The following HCRTR2 variants were observed in gnomAD, a reference collection of about 807,000 sequenced individuals.
HCRTR2 encodes orexin receptor type 2.
A neutral mutation model predicts 49.0 loss-of-function variants in HCRTR2; 22 were observed. That is an observed-to-expected ratio of 0.45 (90% confidence interval 0.32 to 0.64). HCRTR2 has a LOEUF of 0.64. Among genes scored for constraint, HCRTR2 ranks in the 30% least tolerant of loss-of-function variants. HCRTR2 has a pLI of 0.04. For synonymous variants in HCRTR2, 236 were observed against 205.3 expected (o/e 1.15, Z -1.28); for missense variants, 491 against 559.4 (o/e 0.88, Z 1.23).
chr6:55,185,785 C>T (rs940103282), intron 1 of HCRTR2, among the ~76,000 whole-genome samples: 10 of 152,264 alleles, frequency 6.6e-5, no homozygotes, highest in East Asian at 1.9e-4. Flanking sequence ...AACAAGAAGG[C>T]GCATCCTTTG....
At chr6:55,183,973 G>T (rs1561998765) in intron 1 of HCRTR2, among the ~76,000 whole-genome samples, 1 of 151,924 alleles carries the variant, frequency 6.6e-6, no homozygotes, top group Non-Finnish European at 1.5e-5. Flanking sequence ...TGTTGCCCAG[G>T]CTGGAGTGCA....
chr6:55,142,721 G>C (rs1035762372), intron 1 of HCRTR2, among the ~76,000 whole-genome samples: 1 of 151,526 alleles, frequency 6.6e-6, no homozygotes, highest in Admixed American at 6.6e-5. Flanking sequence ...AGGTAGCACA[G>C]ATAAAATGCA....
At chr6:55,183,432 T>C (rs1270444846) in intron 1 of HCRTR2, among the ~76,000 whole-genome samples, 2 of 152,182 alleles carry the variant, frequency 1.3e-5, no homozygotes, top group African/African-American at 4.8e-5. Flanking sequence ...CCAATGTAAG[T>C]GCAGATGAGG....
At position 55,187,899 on chromosome 6, in the gene HCRTR2, C is replaced by T. The variant is rs573823287; in HGVS notation, c.223+13089C>T. ...TCACACCATTCTCCAGCCTCAGCCT[C>T]CCGAGTAGCTGGGACTACAGGCGCA... On this transcript the variant is annotated intron_variant, in intron 1 of 6. Coordinates refer to ENST00000370862, the MANE Select transcript of HCRTR2 (RefSeq NM_001384272.1). Among the ~76,000 whole-genome samples, 11 of 152,186 alleles carry T rather than the reference C, an allele frequency of 7.2e-5. No individual in the cohort carries two copies. In the South Asian group the frequency reaches 2.1e-3, roughly 29 times the overall value.
chr6:55,194,502 T>C (rs1765375809), intron 1 of HCRTR2, among the ~76,000 whole-genome samples: 1 of 152,110 alleles, frequency 6.6e-6, no homozygotes, highest in Non-Finnish European at 1.5e-5. Flanking sequence ...TAATTAAATA[T>C]GGATATTTGT....
intron 1 of HCRTR2, among the ~76,000 whole-genome samples, chr6:55,233,379 C>G (rs1766153699): frequency 6.6e-6 from 1 of 152,108 alleles, no homozygotes. Context: ...GCATGAGCCA[C>G]CACGCATGGC....
intron 2 of HCRTR2, among the ~76,000 whole-genome samples, chr6:55,250,025 T>G (rs550056067): frequency 6.6e-6 from 1 of 152,216 alleles, no homozygotes; most frequent in Non-Finnish European, 1.5e-5. Context: ...TGGAATGAAA[T>G]GTTGCAAAGA....
At chr6:55,266,498 G>A (rs570117285) in intron 4 of HCRTR2, among the ~76,000 whole-genome samples, 18 of 152,228 alleles carry the variant, frequency 1.2e-4, no homozygotes, top group African/African-American at 4.3e-4. Context: ...TCTTGAAGGG[G>A]AAAAAGCAAT....
intron 1 of HCRTR2, among the ~76,000 whole-genome samples, chr6:55,181,494 C>A (rs1032397678): frequency 1.3e-5 from 2 of 152,100 alleles, no homozygotes; most frequent in Admixed American, 6.6e-5. Context: ...ATTATTGGGT[C>A]TTTACAAGTA....
At chr6:55,231,270 G>GA (rs1166049019) in intron 1 of HCRTR2, among the ~76,000 whole-genome samples, 1 of 152,046 alleles carries the variant, frequency 6.6e-6, no homozygotes, top group Non-Finnish European at 1.5e-5. Flanking sequence ...TGTTTGACCA[G>GA]AAAAAATTTC....
rs149444403 is a variant in HCRTR2 at position 55,181,834 on chromosome 6, A to G, written c.223+7024A>G. ...TGTCTTTGATATGTGATTGTGTCAA[A>G]ACTATGAGGAAAAACTCACATTAAC... On this transcript the variant is annotated intron_variant, in intron 1 of 6. Transcript: ENST00000370862. 1.7e-3 allele frequency among the ~76,000 whole-genome samples: 255 copies of G among 152,354 alleles called. 1 individual carries two copies. Among genetic ancestry groups the G allele is most frequent in the Admixed American group, 3.0e-3 (46 of 15,302 alleles).
chr6:55,245,582 A>G (rs1766427972), intron 1 of HCRTR2, among the ~76,000 whole-genome samples: 1 of 149,736 alleles, frequency 6.7e-6, no homozygotes, highest in African/African-American at 2.5e-5. Flanking sequence ...GACAGTAACC[A>G]AATCAATCAT....
chr6:55,194,585 AC>A (rs935951100), intron 1 of HCRTR2, among the ~76,000 whole-genome samples: 66 of 152,116 alleles, frequency 4.3e-4, no homozygotes, highest in African/African-American at 1.5e-3. Flanking sequence ...TTTCTACTTC[AC>A]CATCAATACT....
In HCRTR2 at chr6:55,241,861, A is replaced by ATTTTTTTTTTT. The variant is rs917427627; in HGVS notation, c.224-6765_224-6755dup. On this transcript the variant is annotated intron_variant, in intron 1 of 6. Coordinates refer to ENST00000370862, the MANE Select transcript of HCRTR2 (RefSeq NM_001384272.1). ...GTAGTCTGTCTTACTATGGCAACTA[A>ATTTTTTTTTTT]TTTTTTTTTTTTTTTTTTTTTTTGT... Among the ~76,000 whole-genome samples the ATTTTTTTTTTT allele has an allele frequency of 2.7e-4, 25 of 92,524 alleles. 2 individuals are homozygous for ATTTTTTTTTTT. The highest frequency in any genetic ancestry group is 4.9e-4 in the Non-Finnish European group (23 of 46,534). 60.7% of individuals were successfully genotyped at this position (92,524 alleles called of 152,430 possible).
intron 3 of HCRTR2, among the ~76,000 whole-genome samples, chr6:55,256,760 T>C (rs1766661008): frequency 2.0e-5 from 3 of 152,120 alleles, no homozygotes; most frequent in Non-Finnish European, 4.4e-5. Flanking sequence ...TTATGTCCCA[T>C]TCATTTAATG....
At position 55,269,752 on chromosome 6, in the gene HCRTR2, A is replaced by G. The variant is rs144535462; in HGVS notation, c.762+5930A>G. Among the ~76,000 whole-genome samples, 31 of 152,288 alleles carry G rather than the reference A, an allele frequency of 2.0e-4. No homozygotes were observed. In the East Asian group the frequency reaches 5.8e-3, roughly 29 times the overall value. On this transcript the variant is annotated intron_variant, in intron 4 of 6. Transcript: ENST00000370862. Reference sequence around the variant, plus strand: ...GGCGGGAGGATCACATGAGGCCAGGAGATCAAGACCAGCATAGTCAACGTG... The same window carrying G: ...GGCGGGAGGATCACATGAGGCCAGGGGATCAAGACCAGCATAGTCAACGTG...
intron 3 of HCRTR2, among the ~76,000 whole-genome samples, chr6:55,259,926 A>T (rs1017772188): frequency 1.3e-5 from 2 of 152,184 alleles, no homozygotes; most frequent in Non-Finnish European, 1.5e-5. Context: ...TAATCAGCTT[A>T]GACTATCATG....
intron 1 of HCRTR2, among the ~76,000 whole-genome samples, chr6:55,119,213 G>C (rs1355462536): frequency 6.6e-6 from 1 of 152,080 alleles, no homozygotes; most frequent in South Asian, 2.1e-4. Context: ...TTGGTTCCAA[G>C]TCTTGGCTAT....
chr6:55,127,572 T>G (rs2127243379), intron 1 of HCRTR2, among the ~76,000 whole-genome samples: 1 of 151,968 alleles, frequency 6.6e-6, no homozygotes, highest in South Asian at 2.1e-4. Context: ...GATTGATCTG[T>G]GAGGTCTGAG....
Sources: gnomAD v4.1 joint callset for allele counts (sites outside exome capture counted in the v4.1 genomes callset) on GRCh38, gnomAD v4.1.1 for gene constraint, MANE v1.5 for transcripts, NCBI Gene and HGNC (gene_info 2026-07-23, HGNC 2026-07-21) for gene names.